Variants in DMTN observed in about 807,000 individuals in gnomAD.
DMTN encodes dematin.
DMTN carries 27 observed loss-of-function variants against 59.4 expected under a neutral mutation model. The observed-to-expected ratio is 0.45, with a 90% confidence interval of 0.33 to 0.63. The LOEUF is 0.63. Among genes scored for constraint, DMTN ranks in the 20% least tolerant of loss-of-function variants. The probability of loss-of-function intolerance (pLI) is 0.02; values close to 1 mark genes in which losing one functional copy is unlikely to be tolerated. For synonymous variants in DMTN, 221 were observed against 203.7 expected (o/e 1.08, Z -0.72); for missense variants, 451 against 528.9 (o/e 0.85, Z 1.45).
At chr8:22,080,951 C>G in intron 14 of DMTN, 81 bp downstream of exon 14, 1 of 1,508,458 alleles carries the variant, frequency 6.6e-7, no homozygotes, top group Non-Finnish European at 9.0e-7. Flanking sequence ...GCTGCGGGGT[C>G]TTCCTGGTGT....
In DMTN at chr8:22,070,235, G is replaced by A. The variant is rs1257934378; in HGVS notation, c.505G>A (p.Glu169Lys). 4 of 1,612,138 alleles carry A rather than the reference G, an allele frequency of 2.5e-6. No individual in the cohort carries two copies. The highest frequency in any genetic ancestry group is 3.4e-6 in the Non-Finnish European group (4 of 1,179,088). ...GCACCTCATCGAGGATCTCATCATC[G>A]AGTCATCCAAGTTTCCTGCAGCCCA... ...TKHLIEDLII[E>K]SSKFPAAQPP... Residue 169 changes from glutamate (E) to lysine (K), a missense_variant, in exon 8 of 16, where the codon GAG (glutamate) becomes AAG (lysine). By Grantham distance (56) the Glu-to-Lys change is moderately conservative. Transcript: ENST00000358242.
chr8:22,065,852 T>TTTTTTTTTTTTTC (rs1810196639), intron 1 of DMTN, among the ~76,000 whole-genome samples: 1 of 53,526 alleles, frequency 1.9e-5, no homozygotes. Context: ...TTTTTTTTTT[T>TTTTTTTTTTTTTC]TTTAACGAGG....
chr8:22,062,555 G>A (rs1291203284), intron 1 of DMTN, among the ~76,000 whole-genome samples: 1 of 152,004 alleles, frequency 6.6e-6, no homozygotes, highest in African/African-American at 2.4e-5. Context: ...TCTGCTGTCT[G>A]CAAACACATT....
intron 10 of DMTN, 58 bp downstream of exon 10, chr8:22,073,893 T>A (rs1586070819): frequency 2.6e-5 from 37 of 1,431,794 alleles, no homozygotes; most frequent in Non-Finnish European, 3.6e-5. Flanking sequence ...CCTGACTCTG[T>A]GCATCTGTTG....
At chr8:22,080,710 G>C in intron 13 of DMTN, 85 bp downstream of exon 13, 1 of 1,581,676 alleles carries the variant, frequency 6.3e-7, no homozygotes, top group East Asian at 2.3e-5. Flanking sequence ...GGGGTGTGGG[G>C]CCACAGAGTT....
chr8:22,056,109 C>CACAT (rs1316250677), upstream of DMTN, among the ~76,000 whole-genome samples: 1 of 152,176 alleles, frequency 6.6e-6, no homozygotes, highest in Non-Finnish European at 1.5e-5. Context: ...ACAGGGAAGG[C>CACAT]ACATGCCTGT....
intron 2 of DMTN, 44 bp from the exon 3 acceptor site, chr8:22,067,041 C>A: frequency 6.4e-7 from 1 of 1,552,674 alleles, no homozygotes; most frequent in Non-Finnish European, 8.7e-7. Flanking sequence ...CCCGCTCCCG[C>A]ACACACGCAC....
upstream of DMTN, among the ~76,000 whole-genome samples, chr8:22,054,423 G>T (rs1801773144): frequency 6.6e-6 from 1 of 152,164 alleles, no homozygotes. Flanking sequence ...ACCAGGTGAA[G>T]GTGCTCACAG....
intron 8 of DMTN, 48 bp from the exon 9 acceptor site, chr8:22,072,278 G>A: frequency 6.4e-7 from 1 of 1,562,220 alleles, no homozygotes; most frequent in Non-Finnish European, 8.7e-7. Context: ...AACACACACT[G>A]ACCCCATGGC....
chr8:22,064,955 G>A (rs1261219967), intron 1 of DMTN, among the ~76,000 whole-genome samples: 3 of 152,272 alleles, frequency 2.0e-5, no homozygotes, highest in African/African-American at 7.2e-5. Flanking sequence ...TTCCTTATCT[G>A]TAAATGGGTC....
Position 22,070,264 on chromosome 8 carries a change from C to A in DMTN, c.534C>A (p.Pro178=). ...CATCCAAGTTTCCTGCAGCCCAGCC[C>A]CCAGACCCCAACCAGCCAGCCAAAA... ...IESSKFPAAQ[P]PDPNQPAKIE... is the part of the protein sequence containing the mutation. Residue 178 remains proline, a synonymous_variant, in exon 8 of 16, where the codon CCC becomes CCA. Transcript: ENST00000358242. The A allele has an allele frequency of 6.2e-7, 1 of 1,613,630 alleles. No individual in the cohort carries two copies. Among genetic ancestry groups the A allele is most frequent in the Non-Finnish European group, 8.5e-7 (1 of 1,179,770 alleles).
At chr8:22,075,628 C>T (rs1182302450) in intron 10 of DMTN, among the ~76,000 whole-genome samples, 2 of 148,234 alleles carry the variant, frequency 1.3e-5, no homozygotes, top group East Asian at 4.0e-4. Context: ...AAGCAATTCT[C>T]CTGCCTCAGC....
upstream of DMTN, among the ~76,000 whole-genome samples, chr8:22,052,048 C>A (rs60187336): frequency 2.8e-3 from 426 of 152,112 alleles, 1 homozygote; most frequent in African/African-American, 9.9e-3. Flanking sequence ...CGCCACCTGG[C>A]GTGTCCTGCT....
At chr8:22,056,022 G>A (rs565466989), upstream of DMTN, among the ~76,000 whole-genome samples, 1 of 152,310 alleles carries the variant, frequency 6.6e-6, no homozygotes, top group South Asian at 2.1e-4. Context: ...GGCAAGGCTT[G>A]TTGTCCTTCC....
intron 10 of DMTN, among the ~76,000 whole-genome samples, chr8:22,079,903 C>A (rs571899190): frequency 1.3e-4 from 20 of 152,146 alleles, no homozygotes; most frequent in Non-Finnish European, 2.2e-4. Flanking sequence ...CTGGCTGACT[C>A]AATTTTCACA....
chr8:22,054,125 G>C (rs73223789), upstream of DMTN, among the ~76,000 whole-genome samples: 14 of 119,870 alleles, frequency 1.2e-4, no homozygotes, highest in South Asian at 2.3e-4. Context: ...CACACACACA[G>C]ACACACACAC....
chr8:22,063,107 C>A (rs920083921), intron 1 of DMTN, among the ~76,000 whole-genome samples: 3 of 152,202 alleles, frequency 2.0e-5, no homozygotes, highest in Admixed American at 1.3e-4. Flanking sequence ...TCCTCCTGGA[C>A]ATTCCTACCT....
chr8:22,061,350 G>C (rs1469158009), intron 1 of DMTN, among the ~76,000 whole-genome samples: 2 of 152,020 alleles, frequency 1.3e-5, no homozygotes, highest in East Asian at 3.9e-4. Context: ...AGTGCCAGCT[G>C]TAACACAGAC....
rs1205096585 is a variant in DMTN at position 22,066,725 on chromosome 8, G to A, written c.-151G>A. On this transcript the variant is annotated 5_prime_UTR_variant, in exon 2 of 16. Transcript: ENST00000358242. ...CGCAGCCTGGAGAGTCACCGCCGAGGGATGAGGACGCGCCAGCCCGGGGGA... is the reference window on the plus strand; with the variant it reads ...CGCAGCCTGGAGAGTCACCGCCGAGAGATGAGGACGCGCCAGCCCGGGGGA... 13 of 805,858 alleles carry A rather than the reference G, an allele frequency of 1.6e-5. No homozygotes were observed. The Admixed American group carries it at 1.9e-4, about 12-fold the overall frequency. 49.9% of individuals were successfully genotyped at this position (805,858 alleles called of 1,614,324 possible).
Sources: allele counts gnomAD v4.1 joint callset (sites outside exome capture counted in the v4.1 genomes callset), GRCh38; gene constraint gnomAD v4.1.1; transcripts MANE v1.5; gene names NCBI Gene and HGNC (gene_info 2026-07-23, HGNC 2026-07-21).